Variants in PNPLA1 observed in about 807,000 individuals in gnomAD.
PNPLA1 encodes the protein patatin like domain 1, omega-hydroxyceramide transacylase.
PNPLA1 carries 36 observed loss-of-function variants against 51.7 expected under a neutral mutation model. The observed-to-expected ratio is 0.70, with a 90% confidence interval of 0.53 to 0.92. The LOEUF (loss-of-function observed/expected upper bound fraction) is 0.92. Ranked by LOEUF, PNPLA1 falls within the 40% of genes least tolerant of loss-of-function variation. The pLI is 0.00. For missense variants in PNPLA1, 658 were observed against 682.5 expected (o/e 0.96, Z 0.40); for synonymous variants, 293 against 280.1 (o/e 1.05, Z -0.46).
intron 8 of PNPLA1, 32 bp downstream of exon 8, chr6:36,307,744 G>A (rs368894842): frequency 4.9e-5 from 79 of 1,611,126 alleles, no homozygotes; most frequent in African/African-American, 1.9e-4. Flanking sequence ...TAAATCCCAC[G>A]GAGAGGAGCA....
intron 1 of PNPLA1, among the ~76,000 whole-genome samples, chr6:36,264,371 C>T (rs894320216): frequency 2.0e-5 from 3 of 152,174 alleles, no homozygotes; most frequent in Non-Finnish European, 4.4e-5. Flanking sequence ...ATGGAAAAGA[C>T]TGGAGCCAGG....
chr6:36,301,819 C>A, intron 5 of PNPLA1, 42 bp from the exon 6 acceptor site: 1 of 1,577,992 alleles, frequency 6.3e-7, no homozygotes, highest in Non-Finnish European at 8.6e-7. Flanking sequence ...GGCCATGCTG[C>A]TGCCAGGGCT....
At chr6:36,260,376 A>G (rs1244525846) in intron 1 of PNPLA1, among the ~76,000 whole-genome samples, 1 of 152,188 alleles carries the variant, frequency 6.6e-6, no homozygotes, top group Non-Finnish European at 1.5e-5. Context: ...TTGGGGGGAA[A>G]ATATATGCCT....
Position 36,294,358 on chromosome 6 carries a change from A to T in PNPLA1, c.673A>T (p.Ile225Phe), listed in dbSNP as rs555522542. 3.2e-5 allele frequency: 52 copies of T among 1,614,168 alleles called. No homozygotes were observed. The East Asian group carries it at 8.9e-4, about 28-fold the overall frequency. ...CTCCTTCCAGTTCTCCCTGGAGAACATCGCCAGGATGACCCACGCATTGTT... is the reference window on the plus strand; with the variant it reads ...CTCCTTCCAGTTCTCCCTGGAGAACTTCGCCAGGATGACCCACGCATTGTT... ...NCSFQFSLEN[I>F]ARMTHALFPP... Residue 225 changes from isoleucine (I) to phenylalanine (F), a missense_variant, in exon 4 of 9, where the codon ATC (isoleucine) becomes TTC (phenylalanine). By Grantham distance (21) the Ile-to-Phe change is conservative. Transcript: ENST00000636260. This position sits in a 1 kb window ranked among gnomAD's most constrained non-coding sequence, Gnocchi z 4.2.
At chr6:36,243,904 T>C (rs950708540) in intron 1 of PNPLA1, among the ~76,000 whole-genome samples, 1 of 152,260 alleles carries the variant, frequency 6.6e-6, no homozygotes, top group African/African-American at 2.4e-5. Context: ...CAACCATTTC[T>C]AGCTAAGAGC....
At chr6:36,270,752 GGGGGA>G in intron 1 of PNPLA1, 88 bp downstream of exon 1, 1 of 1,444,078 alleles carries the variant, frequency 6.9e-7, no homozygotes, top group Non-Finnish European at 9.4e-7. Context: ...GGGATGCTTT[GGGGGA>G]CAAAGCCAGG....
chr6:36,305,723 G>A (rs1283572757), intron 6 of PNPLA1, among the ~76,000 whole-genome samples: 1 of 151,074 alleles, frequency 6.6e-6, no homozygotes, highest in East Asian at 1.9e-4. Context: ...TGCTTTCTGC[G>A]AGGGAGCTAT....
chr6:36,272,794 C>T (rs1299956395), intron 1 of PNPLA1, among the ~76,000 whole-genome samples: 1 of 152,172 alleles, frequency 6.6e-6, no homozygotes, highest in East Asian at 1.9e-4. Context: ...TGGCTGGGGA[C>T]CTCTATGCTG....
chr6:36,309,108 G>C (rs2127357146), intron 8 of PNPLA1, among the ~76,000 whole-genome samples: 1 of 152,314 alleles, frequency 6.6e-6, no homozygotes, highest in East Asian at 1.9e-4. Flanking sequence ...ACAGACAAGG[G>C]TCAGAGGCTC....
At chr6:36,243,311 G>C (rs913475863) in intron 1 of PNPLA1, 1 of 152,208 alleles carries the variant, frequency 6.6e-6, no homozygotes, top group African/African-American at 2.4e-5. Context: ...GCATGGTGGG[G>C]GGTGGTGCGA....
intron 1 of PNPLA1, among the ~76,000 whole-genome samples, chr6:36,274,362 G>C (rs974040800): frequency 5.9e-5 from 9 of 152,132 alleles, no homozygotes; most frequent in Admixed American, 5.2e-4. Flanking sequence ...GAGTCTCTCT[G>C]AACAGGTGGA....
chr6:36,248,316 C>A (rs1561845073), intron 1 of PNPLA1, among the ~76,000 whole-genome samples: 2 of 152,072 alleles, frequency 1.3e-5, no homozygotes, highest in Non-Finnish European at 2.9e-5. Flanking sequence ...TTCTCAGGGC[C>A]CTGCATGTAG....
At chr6:36,272,036 ATTTTTC>A (rs993080120) in intron 1 of PNPLA1, among the ~76,000 whole-genome samples, 2 of 152,092 alleles carry the variant, frequency 1.3e-5, no homozygotes. Context: ...GTGGAAGACA[ATTTTTC>A]CACACACCAG....
In PNPLA1 at chr6:36,291,435, C is replaced by A. The variant is rs750618426; in HGVS notation, c.321C>A (p.Val107=). The A allele has an allele frequency of 1.2e-6, 2 of 1,614,100 alleles. No homozygotes were observed. The highest frequency in any genetic ancestry group is 1.7e-5 in the Admixed American group (1 of 60,008). ...TGATGAGGCAGTTTCTGTACCGGGTCCTGCCCGAGGACTCCTACAAGGTCA... is the reference window on the plus strand; with the variant it reads ...TGATGAGGCAGTTTCTGTACCGGGTACTGCCCGAGGACTCCTACAAGGTCA... The part of the protein sequence containing the change: ...VQMMRQFLYR[V]LPEDSYKVTT... The change falls in exon 2 of 9, where the codon GTC becomes GTA. Residue 107 remains valine, a synonymous_variant. Transcript: ENST00000636260.
At chr6:36,273,884 G>A (rs903834296) in intron 1 of PNPLA1, among the ~76,000 whole-genome samples, 1 of 152,078 alleles carries the variant, frequency 6.6e-6, no homozygotes, top group African/African-American at 2.4e-5. Context: ...CCTGTAAAAA[G>A]GACATCAAGC....
At chr6:36,266,219 G>C (rs1421442616), upstream of PNPLA1, among the ~76,000 whole-genome samples, 1 of 152,224 alleles carries the variant, frequency 6.6e-6, no homozygotes, top group Non-Finnish European at 1.5e-5. Context: ...GCAACCTTGA[G>C]AGACAAGAGC....
chr6:36,248,681 G>A (rs1769357110), intron 1 of PNPLA1, among the ~76,000 whole-genome samples: 1 of 152,248 alleles, frequency 6.6e-6, no homozygotes, highest in Non-Finnish European at 1.5e-5. Context: ...ACCATGCCCA[G>A]CTAATTTTTG....
intron 1 of PNPLA1, among the ~76,000 whole-genome samples, chr6:36,282,100 G>GAA (rs1770317725): frequency 2.6e-5 from 1 of 39,016 alleles, no homozygotes; most frequent in Non-Finnish European, 5.4e-5. Context: ...AAGGAAGGAA[G>GAA]GAAGGAAGGA....
In PNPLA1 at chr6:36,246,901, C is replaced by T. The variant is rs565228547; in HGVS notation, c.-81+3640C>T. On this transcript the variant is annotated intron_variant, in intron 1 of 7. Transcript: ENST00000312917. ...GTACTCTTAAATATGTCTTCTTGAA[C>T]GCCATCGCCCCATCCCAGACTCAGG... is the stretch of plus-strand genomic sequence containing the variant. 1.2e-4 allele frequency among the ~76,000 whole-genome samples: 18 copies of T among 152,328 alleles called. 1 individual carries two copies. The highest frequency in any genetic ancestry group is 3.4e-3 in the Middle Eastern group (1 of 294).
Sources: allele counts gnomAD v4.1 joint callset (sites outside exome capture counted in the v4.1 genomes callset), GRCh38; gene constraint gnomAD v4.1.1; non-coding constraint Gnocchi (gnomAD v3.1); transcripts MANE v1.5; gene names NCBI Gene and HGNC (gene_info 2026-07-23, HGNC 2026-07-21).